MTNR1A: variants seen among roughly 807,000 people sequenced by gnomAD.
MTNR1A encodes the protein melatonin receptor type 1A.
In MTNR1A, 7 loss-of-function variants were observed where a neutral mutation model predicts 5.5. The observed-to-expected ratio is 1.28, with a 90% CI of 0.73 to 2.40. The LOEUF (loss-of-function observed/expected upper bound fraction) is 2.40, where lower values mean the gene tolerates loss of function less well. Among genes scored for constraint, MTNR1A ranks in the 30% most tolerant of loss-of-function variants. The pLI is 0.00. For missense variants in MTNR1A, 441 were observed against 464.4 expected, an observed-to-expected ratio of 0.95 and a Z score of 0.46; for synonymous variants, 196 against 202.7, an observed-to-expected ratio of 0.97 and a Z score of 0.28.
Position 186,554,719 on chromosome 4 carries a change from G to A in MTNR1A, c.184+463C>T, listed in dbSNP as rs538431171. ...GAGCCTCTCTTTCCACTGTAGGCTC[G>A]TAACTGCAGACTACTCCCGAACAAC... On this transcript the variant is annotated intron_variant, in intron 1 of 1. Transcript: ENST00000307161. Among the ~76,000 whole-genome samples the A allele has an allele frequency of 7.7e-4, 117 of 152,298 alleles. 1 individual carries two copies. The Middle Eastern group carries it at 0.01, about 13-fold the overall frequency.
At chr4:186,538,143 C>T (rs995086270) in intron 1 of MTNR1A, among the ~76,000 whole-genome samples, 4 of 152,172 alleles carry the variant, frequency 2.6e-5, no homozygotes, top group African/African-American at 4.8e-5. Flanking sequence ...CTGTTTATCG[C>T]GATTATGTCT....
At chr4:186,552,127 T>G (rs1482375671) in intron 1 of MTNR1A, among the ~76,000 whole-genome samples, 1 of 152,236 alleles carries the variant, frequency 6.6e-6, no homozygotes, top group Non-Finnish European at 1.5e-5. Context: ...TGAGCAGGGC[T>G]GTTCACATCT....
At chr4:186,536,346 CAA>C (rs1225264699) in intron 1 of MTNR1A, among the ~76,000 whole-genome samples, 3 of 121,720 alleles carry the variant, frequency 2.5e-5, no homozygotes, top group Admixed American at 8.6e-5. Context: ...AACTCCGTAT[CAA>C]AAAAAAAAAA....
chr4:186,552,783 TTCCATTGCGGGAA>T (rs1737289596), intron 1 of MTNR1A, among the ~76,000 whole-genome samples: 2 of 152,240 alleles, frequency 1.3e-5, no homozygotes, highest in Admixed American at 6.5e-5. Context: ...AATCCTAGCG[TTCCATTGCGGGAA>T]TCGTCCCTTA....
At chr4:186,549,065 C>T (rs999505086) in intron 1 of MTNR1A, among the ~76,000 whole-genome samples, 9 of 151,674 alleles carry the variant, frequency 5.9e-5, no homozygotes, top group African/African-American at 1.9e-4. Context: ...ATTTAAACCA[C>T]ATCTTAAAAT....
intron 1 of MTNR1A, among the ~76,000 whole-genome samples, chr4:186,552,669 G>A (rs1183428400): frequency 6.6e-6 from 1 of 152,142 alleles, no homozygotes; most frequent in Non-Finnish European, 1.5e-5. Flanking sequence ...ACTCTTATGA[G>A]GCTAAGCGGT....
intron 1 of MTNR1A, among the ~76,000 whole-genome samples, chr4:186,549,810 A>G (rs1737231348): frequency 6.6e-6 from 1 of 152,170 alleles, no homozygotes; most frequent in African/African-American, 2.4e-5. Flanking sequence ...TTTACCAACC[A>G]TTTACATTCT....
Position 186,533,714 on chromosome 4 carries a change from T to A in MTNR1A, c.1028A>T (p.Asn343Ile), listed in dbSNP as rs1290288137. The A allele has an allele frequency of 1.9e-6, 3 of 1,614,188 alleles. No homozygotes were observed. In the Admixed American group the frequency reaches 5.0e-5, roughly 27 times the overall value. ...TTAAACGGAGTCCACCTTTACTACA[T>A]TATTGTTGGTCATCAGTGGAGACGG... is the stretch of plus-strand genomic sequence containing the variant. ...WKPSPLMTNN[N>I]VVKVDSV is the part of the protein sequence containing the mutation. Residue 343 changes from asparagine to isoleucine, a missense_variant, in exon 2 of 2, where the codon AAT becomes ATT. Transcript: ENST00000307161.
intron 1 of MTNR1A, among the ~76,000 whole-genome samples, chr4:186,541,063 C>A (rs150469767): frequency 0.017 from 2,535 of 152,302 alleles, 25 homozygotes; most frequent in Non-Finnish European, 0.027. Flanking sequence ...GCGTTCCCAC[C>A]ACCCTGCCTC....
rs752967556 is a variant in MTNR1A, at chr4:186,534,160, G to C, written c.582C>G (p.Phe194Leu). Reference sequence around the variant, plus strand: ...CTATGATCATGGGGACGAGGAAGTGGAAAACCACCACGGCGATGGTGTAGG... The same window carrying C: ...CTATGATCATGGGGACGAGGAAGTGCAAAACCACCACGGCGATGGTGTAGG... The part of the protein sequence containing the change: ...SSAYTIAVVV[F>L]HFLVPMIIVI... Residue 194 changes from phenylalanine to leucine, a missense_variant, in exon 2 of 2, where the codon TTC (phenylalanine) becomes TTG (leucine). Physicochemically the swap from Phe to Leu is conservative, Grantham distance 22. Coordinates refer to ENST00000307161, the MANE Select transcript of MTNR1A (RefSeq NM_005958.4). 4 of 1,613,398 alleles carry C rather than the reference G, an allele frequency of 2.5e-6. No homozygotes were observed. The highest frequency in any genetic ancestry group is 3.3e-4 in the Middle Eastern group (2 of 6,080).
intron 1 of MTNR1A, among the ~76,000 whole-genome samples, chr4:186,547,497 G>A (rs879339008): frequency 1.2e-4 from 19 of 152,156 alleles, no homozygotes; most frequent in Non-Finnish European, 2.1e-4. Context: ...GGGACACACC[G>A]TCGTCCCACA....
intron 1 of MTNR1A, among the ~76,000 whole-genome samples, chr4:186,538,731 AT>A (rs1736935767): frequency 1.3e-5 from 2 of 152,234 alleles, no homozygotes; most frequent in South Asian, 2.1e-4. Context: ...TCTTGGATTG[AT>A]TGAACCCAGA....
chr4:186,554,570 CG>C (rs1476917987), intron 1 of MTNR1A, among the ~76,000 whole-genome samples: 1 of 152,148 alleles, frequency 6.6e-6, no homozygotes, highest in Admixed American at 6.5e-5. Context: ...GCATATTATA[CG>C]TAAGTGTACT....
intron 1 of MTNR1A, among the ~76,000 whole-genome samples, chr4:186,534,773 G>A (rs918804952): frequency 6.6e-6 from 1 of 152,118 alleles, no homozygotes; most frequent in Non-Finnish European, 1.5e-5. Context: ...CACCTCCCCA[G>A]AACAGGGCCT....
At chr4:186,550,045 T>C (rs141182317) in intron 1 of MTNR1A, among the ~76,000 whole-genome samples, 168 of 152,350 alleles carry the variant, frequency 1.1e-3, no homozygotes, top group African/African-American at 3.8e-3. Context: ...TTGCCGAAAG[T>C]GTATACAGCT....
chr4:186,547,781 T>C (rs902796911), intron 1 of MTNR1A, among the ~76,000 whole-genome samples: 1 of 152,216 alleles, frequency 6.6e-6, no homozygotes, highest in African/African-American at 2.4e-5. Context: ...GTATATACAA[T>C]ACGAGAGACC....
intron 1 of MTNR1A, among the ~76,000 whole-genome samples, chr4:186,540,064 G>A (rs1053324353): frequency 6.6e-5 from 10 of 152,204 alleles, no homozygotes; most frequent in Admixed American, 2.0e-4. Context: ...CACATCTTAC[G>A]TGGATGGCAG....
chr4:186,553,232 C>T (rs1291107269), intron 1 of MTNR1A, among the ~76,000 whole-genome samples: 1 of 152,204 alleles, frequency 6.6e-6, no homozygotes, highest in African/African-American at 2.4e-5. Flanking sequence ...ATATTTGAAT[C>T]AGCTATCCTT....
In MTNR1A at chr4:186,547,955, T is replaced by C. The variant is rs184390398; in HGVS notation, c.184+7227A>G. Among the ~76,000 whole-genome samples the C allele has an allele frequency of 3.6e-3, 550 of 152,326 alleles. 3 individuals carry two copies. Among genetic ancestry groups the C allele is most frequent in the African/African-American group, 0.012 (517 of 41,576 alleles). On this transcript the variant is annotated intron_variant, in intron 1 of 1. Transcript: ENST00000307161. ...GTGGTTTAGTGAGGCATTTGTAACT[T>C]GTAAAACATCCACAGTACAGCCTGA... is the stretch of plus-strand genomic sequence containing the variant.
Sources: allele counts gnomAD v4.1 joint callset (sites outside exome capture counted in the v4.1 genomes callset), GRCh38; gene constraint gnomAD v4.1.1; transcripts MANE v1.5; gene names NCBI Gene and HGNC (gene_info 2026-07-23, HGNC 2026-07-21).